FBXL20: variants seen among roughly 807,000 people sequenced by gnomAD.
FBXL20 encodes F-box and leucine rich repeat protein 20.
A neutral mutation model predicts 64.0 loss-of-function variants in FBXL20; 11 were observed. The ratio of observed to expected loss-of-function variants is 0.17; its 90% confidence interval spans 0.11 to 0.28. The LOEUF is 0.28. Among genes scored for constraint, FBXL20 ranks in the 10% least tolerant of loss-of-function variants. The probability of loss-of-function intolerance (pLI) is 1.00; values close to 1 mark genes in which losing one functional copy is unlikely to be tolerated. For synonymous variants in FBXL20, 184 were observed against 189.0 expected (o/e 0.97, Z 0.22); for missense variants, 303 against 526.2 (o/e 0.58, Z 4.15).
chr17:39,275,909 A>G (rs1200739129), intron 9 of FBXL20, among the ~76,000 whole-genome samples: 1 of 152,134 alleles, frequency 6.6e-6, no homozygotes, highest in Non-Finnish European at 1.5e-5. Context: ...CCTAATTTAT[A>G]GATAAAAGAG....
chr17:39,360,539 C>T (rs1271627179), intron 1 of FBXL20, among the ~76,000 whole-genome samples: 1 of 152,114 alleles, frequency 6.6e-6, no homozygotes, highest in Non-Finnish European at 1.5e-5. Flanking sequence ...AATCTTTTCT[C>T]TACATGGTTT....
chr17:39,369,698 G>C (rs764536144), intron 1 of FBXL20, among the ~76,000 whole-genome samples: 1 of 151,988 alleles, frequency 6.6e-6, no homozygotes, highest in African/African-American at 2.4e-5. Flanking sequence ...TGCCCAGGCT[G>C]TAGTGGTATG....
chr17:39,356,553 G>A (rs2047742889), intron 1 of FBXL20, among the ~76,000 whole-genome samples: 1 of 151,992 alleles, frequency 6.6e-6, no homozygotes, highest in Non-Finnish European at 1.5e-5. Flanking sequence ...ACGGGATTTC[G>A]CCATGTTGCC....
At position 39,268,274 on chromosome 17, in the gene FBXL20, A is replaced by G. The variant is rs911748228; in HGVS notation, c.933+553T>C. 3.9e-5 allele frequency among the ~76,000 whole-genome samples: 6 copies of G among 152,168 alleles called. No individual in the cohort carries two copies. The East Asian group carries it at 1.2e-3, about 29-fold the overall frequency. ...AGGCCAAGGCAGGAGAATTGCTTGA[A>G]TCTGGGAGGTGGAGGTTGCAGTGAG... On this transcript the variant is annotated intron_variant, in intron 12 of 14. Coordinates refer to ENST00000264658, the MANE Select transcript of FBXL20 (RefSeq NM_032875.3).
rs549291126 is a variant in FBXL20, at chr17:39,401,576, C to G, written c.-174G>C. The G allele has an allele frequency of 1.9e-4, 268 of 1,404,284 alleles. 1 individual carries two copies. In the African/African-American group the frequency reaches 3.6e-3, roughly 19 times the overall value. 87.0% of individuals were successfully genotyped at this position (1,404,284 alleles called of 1,614,324 possible). A position where few individuals can be genotyped will look rare whatever the true frequency, so the allele number is the denominator to read the frequency against. On this transcript the variant is annotated 5_prime_UTR_variant, in exon 1 of 15. Transcript: ENST00000264658. ...GCTCCGGCTAGGCCTCCACCACCTC[C>G]CGCGGCGCCGGCGGCCGCAACGACT...
At chr17:39,356,087 AC>A (rs1254729960) in intron 1 of FBXL20, among the ~76,000 whole-genome samples, 1 of 145,586 alleles carries the variant, frequency 6.9e-6, no homozygotes, top group African/African-American at 2.6e-5. Context: ...GGTGGCATCC[AC>A]CTGTAATCCC....
At chr17:39,326,120 G>A (rs888654290) in intron 2 of FBXL20, among the ~76,000 whole-genome samples, 1 of 151,700 alleles carries the variant, frequency 6.6e-6, no homozygotes, top group Non-Finnish European at 1.5e-5. Context: ...CTCCCCCTTT[G>A]CCTTCTGCCA....
At chr17:39,322,602 C>T (rs1055901918) in intron 2 of FBXL20, among the ~76,000 whole-genome samples, 30 of 151,960 alleles carry the variant, frequency 2.0e-4, no homozygotes, top group Non-Finnish European at 4.3e-4. Flanking sequence ...TCCCGTTTAC[C>T]TTGTCCAGAT....
At chr17:39,313,203 C>G (rs985370870) in intron 2 of FBXL20, among the ~76,000 whole-genome samples, 1 of 151,790 alleles carries the variant, frequency 6.6e-6, no homozygotes, top group African/African-American at 2.4e-5. Flanking sequence ...AGGTGTGAGC[C>G]ACAGTGCCCG....
intron 2 of FBXL20, among the ~76,000 whole-genome samples, chr17:39,316,480 CT>C (rs1469933234): frequency 6.6e-6 from 1 of 152,084 alleles, no homozygotes; most frequent in Non-Finnish European, 1.5e-5. Flanking sequence ...TACGATGAGC[CT>C]GGAACACCTT....
At chr17:39,382,974 G>C (rs896985610) in intron 1 of FBXL20, among the ~76,000 whole-genome samples, 6 of 151,412 alleles carry the variant, frequency 4.0e-5, no homozygotes, top group Admixed American at 6.6e-5. Context: ...GGCCAACATG[G>C]TGAAACCCCA....
At chr17:39,402,431 A>G, upstream of FBXL20, 1 of 356,688 alleles carries the variant, frequency 2.8e-6, no homozygotes, top group Non-Finnish European at 5.0e-6. Flanking sequence ...CAACAGGCCA[A>G]GTGCCCGCCC....
At chr17:39,301,931 G>A (rs1359069436) in intron 3 of FBXL20, among the ~76,000 whole-genome samples, 1 of 49,832 alleles carries the variant, frequency 2.0e-5, no homozygotes, top group African/African-American at 8.4e-5. Context: ...CCCCGCCCAC[G>A]CACACTTAAA....
intron 2 of FBXL20, among the ~76,000 whole-genome samples, chr17:39,315,871 G>GAGAT (rs2047286503): frequency 7.3e-6 from 1 of 137,068 alleles, no homozygotes. Context: ...GAGAGAGAGA[G>GAGAT]CAACTGTAGA....
chr17:39,370,191 TAA>T (rs147101583), intron 1 of FBXL20, among the ~76,000 whole-genome samples: 5 of 141,444 alleles, frequency 3.5e-5, no homozygotes, highest in Admixed American at 7.2e-5. Context: ...GAGGATGGTT[TAA>T]AAAAAAAAAA....
chr17:39,290,543 A>G lies in FBXL20; in HGVS notation c.399-4970T>C, dbSNP rs76265242. 7.0e-3 allele frequency among the ~76,000 whole-genome samples: 1,073 copies of G among 152,248 alleles called. 14 individuals carry two copies. Among genetic ancestry groups the G allele is most frequent in the African/African-American group, 0.025 (1,032 of 41,546 alleles). ...TTCACATATATACTTGATCAGGTTGAAGAAGTTACGTTATCTTATTTGTCC... is the reference window on the plus strand; with the variant it reads ...TTCACATATATACTTGATCAGGTTGGAGAAGTTACGTTATCTTATTTGTCC... On this transcript the variant is annotated intron_variant, in intron 6 of 14. Coordinates refer to ENST00000264658, the MANE Select transcript of FBXL20 (RefSeq NM_032875.3).
At chr17:39,383,991 T>G (rs567205239) in intron 1 of FBXL20, among the ~76,000 whole-genome samples, 1 of 152,026 alleles carries the variant, frequency 6.6e-6, no homozygotes, top group South Asian at 2.1e-4. Context: ...CCTAGCATTT[T>G]GGGAGGCCAA....
At chr17:39,280,696 G>A in intron 9 of FBXL20, among the ~76,000 whole-genome samples, 1 of 152,134 alleles carries the variant, frequency 6.6e-6, no homozygotes, top group Non-Finnish European at 1.5e-5. Context: ...AAAGCTGATA[G>A]TTTGAACAAG....
At chr17:39,355,738 C>A (rs550524349) in intron 1 of FBXL20, among the ~76,000 whole-genome samples, 9 of 151,304 alleles carry the variant, frequency 5.9e-5, no homozygotes, top group African/African-American at 2.2e-4. Context: ...GCCTGTAATT[C>A]CAGCTACTTG....
Sources: gnomAD v4.1 joint callset for allele counts (sites outside exome capture counted in the v4.1 genomes callset) on GRCh38, gnomAD v4.1.1 for gene constraint, MANE v1.5 for transcripts, NCBI Gene and HGNC (gene_info 2026-07-23, HGNC 2026-07-21) for gene names.